TMC1: variants seen among roughly 807,000 people sequenced by gnomAD.
TMC1 encodes the protein transmembrane channel like 1.
A neutral mutation model predicts 105.8 loss-of-function variants in TMC1; 84 were observed. That is an observed-to-expected ratio of 0.79 (90% CI 0.67 to 0.95). TMC1 has a LOEUF of 0.95. TMC1 is among the 40% of genes least tolerant of loss of function. TMC1 has a pLI of 0.00. For synonymous variants in TMC1, 315 were observed against 311.5 expected (o/e 1.01, Z -0.12); for missense variants, 817 against 914.1 (o/e 0.89, Z 1.37).
chr9:72,813,153 T>C (rs944179019), intron 18 of TMC1, among the ~76,000 whole-genome samples: 1 of 152,200 alleles, frequency 6.6e-6, no homozygotes, highest in Non-Finnish European at 1.5e-5. Flanking sequence ...GAATCTGTTT[T>C]TTTTTCTTTT....
Position 72,585,152 on chromosome 9 carries a change from C to CTTT in TMC1, c.-306+7143_-306+7145dup, listed in dbSNP as rs1274611916. ...CTGTCACTCATCATGGGTGCCATGT[C>CTTT]TTTTTTTTTTTTTTTTGAGATGGAG... On this transcript the variant is annotated intron_variant, in intron 2 of 23. Coordinates refer to ENST00000297784, the MANE Select transcript of TMC1 (RefSeq NM_138691.3). Among the ~76,000 whole-genome samples, 11 of 126,104 alleles carry CTTT rather than the reference C, an allele frequency of 8.7e-5. 1 individual carries two copies. The highest frequency in any genetic ancestry group is 2.6e-4 in the African/African-American group (9 of 34,200). The allele number at this position is 126,104 out of a possible 152,430, so 82.7% of individuals were successfully genotyped here. A position where few individuals can be genotyped will look rare whatever the true frequency, so the allele number is the denominator to read the frequency against.
At chr9:72,560,469 T>C (rs1170436078) in intron 1 of TMC1, among the ~76,000 whole-genome samples, 1 of 152,134 alleles carries the variant, frequency 6.6e-6, no homozygotes, top group African/African-American at 2.4e-5. Flanking sequence ...AATTTGTATG[T>C]GTCTGTGATG....
intron 2 of TMC1, chr9:72,607,803 T>C (rs1824950879): frequency 6.6e-6 from 1 of 151,912 alleles, no homozygotes; most frequent in Non-Finnish European, 1.5e-5. Flanking sequence ...AAAAGATTAT[T>C]ATTCCCCAAA....
chr9:72,789,738 T>C (rs1033234217), intron 15 of TMC1, among the ~76,000 whole-genome samples: 2 of 152,174 alleles, frequency 1.3e-5, no homozygotes, highest in African/African-American at 4.8e-5. Context: ...AAAGATCAAA[T>C]TGTTGCCTGA....
At chr9:72,729,717 C>G (rs1211127589) in intron 8 of TMC1, among the ~76,000 whole-genome samples, 9 of 152,218 alleles carry the variant, frequency 5.9e-5, no homozygotes, top group Admixed American at 3.9e-4. Context: ...TACTTTGTCC[C>G]TATCATAAGG....
chr9:72,617,061 A>G (rs564478722), intron 3 of TMC1, among the ~76,000 whole-genome samples: 6 of 152,296 alleles, frequency 3.9e-5, no homozygotes, highest in African/African-American at 1.4e-4. Flanking sequence ...TTAGACAGAG[A>G]TATATAGGAT....
chr9:72,558,885 A>G (rs1465272208), intron 1 of TMC1, among the ~76,000 whole-genome samples: 1 of 151,976 alleles, frequency 6.6e-6, no homozygotes, highest in Non-Finnish European at 1.5e-5. Context: ...TTTTATTTTC[A>G]AAAAGTTGTG....
intron 5 of TMC1, among the ~76,000 whole-genome samples, chr9:72,654,285 A>G (rs2132155168): frequency 6.6e-6 from 1 of 152,334 alleles, no homozygotes; most frequent in South Asian, 2.1e-4. Flanking sequence ...TTAAGAGTGA[A>G]TCTTTTAAAT....
chr9:72,783,963 C>A (rs1828131243), intron 13 of TMC1, among the ~76,000 whole-genome samples: 1 of 152,098 alleles, frequency 6.6e-6, no homozygotes, highest in African/African-American at 2.4e-5. Flanking sequence ...TCTATAAAAA[C>A]TCTTGAAGAA....
At chr9:72,750,433 G>GA (rs1352918915) in intron 10 of TMC1, among the ~76,000 whole-genome samples, 1 of 152,230 alleles carries the variant, frequency 6.6e-6, no homozygotes, top group African/African-American at 2.4e-5. Flanking sequence ...ACTTGGTGCT[G>GA]AATCTTAAAT....
chr9:72,608,327 C>T lies in TMC1; in HGVS notation c.-305-8041C>T, dbSNP rs564607155. ...TGCTTGGATCCAGGCACACTGATAA[C>T]GCTGATACCACACCTAGAAAAAGAA... is the stretch of plus-strand genomic sequence containing the variant. On this transcript the variant is annotated intron_variant, in intron 2 of 23. Transcript: ENST00000297784. Among the ~76,000 whole-genome samples the T allele has an allele frequency of 4.1e-4, 63 of 152,310 alleles. 1 individual carries two copies. The South Asian group carries it at 0.01, about 25-fold the overall frequency.
Position 72,766,213 on chromosome 9 carries a change from C to T in TMC1, c.742-6200C>T, listed in dbSNP as rs184525805. ...TGGGTGGATCACAAGGTCAGGAGATCGAGACCATCCTGGCTAACATGGTGA... is the reference window on the plus strand; with the variant it reads ...TGGGTGGATCACAAGGTCAGGAGATTGAGACCATCCTGGCTAACATGGTGA... On this transcript the variant is annotated intron_variant, in intron 12 of 23. Coordinates refer to ENST00000297784, the MANE Select transcript of TMC1 (RefSeq NM_138691.3). 4.1e-3 allele frequency among the ~76,000 whole-genome samples: 623 copies of T among 151,788 alleles called. 4 individuals are homozygous for T. Among genetic ancestry groups the T allele is most frequent in the African/African-American group, 0.014 (577 of 41,406 alleles).
chr9:72,523,314 A>G (rs1823346624), intron 1 of TMC1, among the ~76,000 whole-genome samples: 1 of 152,152 alleles, frequency 6.6e-6, no homozygotes, highest in Non-Finnish European at 1.5e-5. Flanking sequence ...GTTGACCTTG[A>G]ACAACTTGGG....
chr9:72,763,229 T>C (rs1458203626), intron 12 of TMC1, among the ~76,000 whole-genome samples: 1 of 152,008 alleles, frequency 6.6e-6, no homozygotes, highest in Non-Finnish European at 1.5e-5. Context: ...ACTTACAATA[T>C]GAAAACAGCA....
intron 5 of TMC1, among the ~76,000 whole-genome samples, chr9:72,685,683 A>G (rs1306663991): frequency 2.0e-5 from 3 of 152,140 alleles, no homozygotes; most frequent in African/African-American, 7.2e-5. Context: ...ATTCTTTTGC[A>G]TCAAATAGTA....
chr9:72,640,756 C>T (rs1312012844), intron 4 of TMC1, among the ~76,000 whole-genome samples: 4 of 151,866 alleles, frequency 2.6e-5, no homozygotes, highest in Non-Finnish European at 5.9e-5. Flanking sequence ...CCTCACCTCC[C>T]GGGTAGCTGG....
At chr9:72,681,438 C>A (rs1367788243) in intron 5 of TMC1, among the ~76,000 whole-genome samples, 1 of 151,934 alleles carries the variant, frequency 6.6e-6, no homozygotes, top group African/African-American at 2.4e-5. Flanking sequence ...AGAGTAAGAG[C>A]TGTTTTTGTT....
intron 1 of TMC1, among the ~76,000 whole-genome samples, chr9:72,522,243 A>G (rs902056032): frequency 4.0e-5 from 6 of 150,632 alleles, no homozygotes; most frequent in Admixed American, 4.0e-4. Context: ...CTGGGACTAC[A>G]GGCGCCCGCC....
At chr9:72,526,129 T>C (rs1019055744) in intron 1 of TMC1, among the ~76,000 whole-genome samples, 13 of 152,218 alleles carry the variant, frequency 8.5e-5, no homozygotes, top group African/African-American at 2.9e-4. Flanking sequence ...TAAGTGTGTG[T>C]GTCCTCTAGA....
Sources: allele counts gnomAD v4.1 joint callset (sites outside exome capture counted in the v4.1 genomes callset), GRCh38; gene constraint gnomAD v4.1.1; transcripts MANE v1.5; gene names NCBI Gene and HGNC (gene_info 2026-07-23, HGNC 2026-07-21).